CUBN: variants seen among roughly 807,000 people sequenced by gnomAD.
The protein encoded by CUBN is cubilin, also known as 460 kDa receptor.
CUBN carries 282 observed loss-of-function variants against 405.3 expected under a neutral mutation model. The observed-to-expected ratio is 0.70, with a 90% CI of 0.63 to 0.77. CUBN has a LOEUF of 0.77. Among genes scored for constraint, CUBN ranks in the 30% least tolerant of loss-of-function variants. The pLI, the probability that CUBN is intolerant of heterozygous loss-of-function variation, is 0.00. For missense variants in CUBN, 4,514 were observed against 4,475.2 expected (o/e 1.01, Z -0.25); for synonymous variants, 1,684 against 1,617.0 (o/e 1.04, Z -0.99).
At chr10:16,963,973 G>A (rs1181869977) in intron 31 of CUBN, among the ~76,000 whole-genome samples, 1 of 152,164 alleles carries the variant, frequency 6.6e-6, no homozygotes, top group Non-Finnish European at 1.5e-5. Context: ...ACAGGGCATG[G>A]GATCAATGAT....
At chr10:17,024,945 T>C (rs1397964084) in intron 27 of CUBN, among the ~76,000 whole-genome samples, 1 of 152,194 alleles carries the variant, frequency 6.6e-6, no homozygotes, top group Admixed American at 6.5e-5. Flanking sequence ...TTCTTTTTTA[T>C]AGGAGATCAA....
At chr10:16,997,207 A>G (rs1439120006) in intron 28 of CUBN, among the ~76,000 whole-genome samples, 3 of 152,162 alleles carry the variant, frequency 2.0e-5, no homozygotes, top group Non-Finnish European at 4.4e-5. Context: ...AGGCAAAGGC[A>G]GGCCGATCAC....
At chr10:16,851,961 AATCTTTCCC>A (rs1564386030) in intron 59 of CUBN, among the ~76,000 whole-genome samples, 1 of 15,436 alleles carries the variant, frequency 6.5e-5, no homozygotes, top group Non-Finnish European at 1.2e-4. Flanking sequence ...TCCCTCCCTC[AATCTTTCCC>A]TCCCTCCCTC....
intron 6 of CUBN, chr10:17,122,348 A>G (rs1465099561): frequency 3.6e-6 from 1 of 275,338 alleles, no homozygotes; most frequent in African/African-American, 2.3e-5. Flanking sequence ...TTGACATAGC[A>G]TTGAATAAAG....
At position 17,047,471 on chromosome 10, in the gene CUBN, G is replaced by T; in HGVS notation, c.3272C>A (p.Thr1091Lys). 6.2e-7 allele frequency: 1 copy of T among 1,614,034 alleles called. No homozygotes were observed. Among genetic ancestry groups the T allele is most frequent in the South Asian group, 1.1e-5 (1 of 91,084 alleles). ...RTGQLIAVHF[T>K]NFSLEEAIGN... ...AATGGCTTCCTCCAAGGAGAAGTTT[G>T]TGAAGTGCACTGCAATCAGTTGGCC... The change falls in exon 23 of 67, where the codon ACA becomes AAA. Residue 1091 changes from threonine to lysine, a missense_variant. Physicochemically the swap from Thr to Lys is moderately conservative, Grantham distance 78. Transcript: ENST00000377833.
At chr10:17,086,212 T>G (rs1033403976) in intron 15 of CUBN, among the ~76,000 whole-genome samples, 1 of 152,026 alleles carries the variant, frequency 6.6e-6, no homozygotes, top group African/African-American at 2.4e-5. Context: ...GATCTGACCA[T>G]CTCGGCCTCC....
intron 56 of CUBN, among the ~76,000 whole-genome samples, chr10:16,883,080 A>G (rs1353696094): frequency 1.3e-5 from 2 of 151,884 alleles, no homozygotes; most frequent in Non-Finnish European, 2.9e-5. Context: ...GAAAGGAAGA[A>G]AGAAAGAAAA....
chr10:17,124,610 A>T (rs1368294265), intron 4 of CUBN, among the ~76,000 whole-genome samples: 1 of 151,266 alleles, frequency 6.6e-6, no homozygotes, highest in Non-Finnish European at 1.5e-5. Flanking sequence ...TTGTATTTTT[A>T]GTAGAGACGG....
intron 56 of CUBN, among the ~76,000 whole-genome samples, chr10:16,878,217 G>A (rs1017882950): frequency 1.2e-4 from 18 of 152,140 alleles, no homozygotes; most frequent in African/African-American, 3.9e-4. Flanking sequence ...GAACCTGGAA[G>A]GCAGAAGTTA....
chr10:16,984,378 G>A (rs906973061), intron 29 of CUBN, 99 bp from the exon 30 acceptor site: 13 of 1,182,036 alleles, frequency 1.1e-5, no homozygotes, highest in Admixed American at 8.0e-5. Flanking sequence ...TGGGTTCTAT[G>A]ATTATTAGAG....
At chr10:16,961,750 G>C (rs934081606) in intron 31 of CUBN, among the ~76,000 whole-genome samples, 14 of 117,234 alleles carry the variant, frequency 1.2e-4, no homozygotes, top group East Asian at 7.7e-4. Flanking sequence ...CTCGCTCTGT[G>C]GCCCAGGCTG....
intron 47 of CUBN, 151 bp from the exon 48 acceptor site, chr10:16,914,143 C>T: frequency 1.2e-6 from 1 of 824,618 alleles, no homozygotes; most frequent in South Asian, 1.6e-5. Flanking sequence ...TTTTAGTGAA[C>T]ATATACATTC....
rs182020077 is a variant in CUBN at position 16,933,313 on chromosome 10, A to G, written c.5927-29T>C. On this transcript the variant is annotated intron_variant, in intron 39 of 66. Coordinates refer to ENST00000377833, the MANE Select transcript of CUBN (RefSeq NM_001081.4). ...TAGAATAGAAAGCAACATCTTTGAC[A>G]CAGCCCTAATGGAAAAGACGCTAGC... The G allele has an allele frequency of 8.8e-5, 142 of 1,606,658 alleles. No individual in the cohort carries two copies. In the African/African-American group the frequency reaches 1.5e-3, roughly 17 times the overall value.
chr10:17,053,674 A>G (rs145410237), intron 22 of CUBN, among the ~76,000 whole-genome samples: 1,990 of 152,232 alleles, frequency 0.013, 46 homozygotes, highest in African/African-American at 0.046. Flanking sequence ...TGAAACAGAT[A>G]AAGATGAATA....
At chr10:17,034,553 C>T (rs1834854129) in intron 27 of CUBN, among the ~76,000 whole-genome samples, 1 of 152,062 alleles carries the variant, frequency 6.6e-6, no homozygotes, top group Non-Finnish European at 1.5e-5. Flanking sequence ...GGACCAGGGG[C>T]TTGTGCAAAG....
rs1486377131 is a variant in CUBN at position 16,954,394 on chromosome 10, C to A, written c.4850G>T (p.Arg1617Met). 1 of 1,613,984 alleles carries A rather than the reference C, an allele frequency of 6.2e-7. No homozygotes were observed. The highest frequency in any genetic ancestry group is 8.5e-7 in the Non-Finnish European group (1 of 1,180,008). ...AAGATCCACAGGGTACTTGCCTTGC[C>A]TGAATTGAGCTCGGAAGCCTCTGTT... ...RQNRGFRAQF[R>M]QACGGHILTS... The change falls in exon 32 of 67, where the codon AGG (arginine) becomes ATG (methionine). Residue 1617 changes from arginine (R) to methionine (M), a missense_variant. Around this residue, in one of 5 missense-constraint regions of CUBN, gnomAD observed 1,613 missense variants for 1,542.8 expected, o/e 1.05. Transcript: ENST00000377833.
At chr10:16,983,800 C>A (rs1469607160) in intron 30 of CUBN, among the ~76,000 whole-genome samples, 1 of 152,204 alleles carries the variant, frequency 6.6e-6, no homozygotes, top group Non-Finnish European at 1.5e-5. Flanking sequence ...TGTACTATGG[C>A]ATGAGGTATG....
chr10:17,064,037 A>G (rs772308104), intron 22 of CUBN, among the ~76,000 whole-genome samples: 12 of 152,300 alleles, frequency 7.9e-5, no homozygotes, highest in East Asian at 1.9e-4. Context: ...TAAGAAACCA[A>G]TTTTGGTCAC....
At chr10:17,053,086 G>T (rs889952146) in intron 22 of CUBN, among the ~76,000 whole-genome samples, 9 of 151,794 alleles carry the variant, frequency 5.9e-5, no homozygotes, top group African/African-American at 1.9e-4. Context: ...AAAAAAAAAG[G>T]TATCATTAAA....
Sources: gnomAD v4.1 joint callset for allele counts (sites outside exome capture counted in the v4.1 genomes callset) on GRCh38, gnomAD v4.1.1 for gene constraint, gnomAD v4.1.1 regional missense constraint, MANE v1.5 for transcripts, NCBI Gene and HGNC (gene_info 2026-07-23, HGNC 2026-07-21) for gene names.